Variants in GPR158 observed in about 807,000 individuals in gnomAD.
GPR158 encodes metabotropic glycine receptor.
Under a neutral mutation model 78.2 loss-of-function variants are expected in GPR158, and 30 were observed. That is an observed-to-expected ratio of 0.38 (90% confidence interval 0.29 to 0.52). GPR158 has a LOEUF of 0.52. Ranked by LOEUF, GPR158 falls within the 20% of genes least tolerant of loss-of-function variation. The pLI is 0.83. For synonymous variants in GPR158, 581 were observed against 591.1 expected (o/e 0.98, Z 0.25); for missense variants, 1,463 against 1,523.5 (o/e 0.96, Z 0.66).
intron 2 of GPR158, among the ~76,000 whole-genome samples, chr10:25,304,649 C>T (rs66651714): frequency 0.2 from 30,799 of 151,946 alleles, 5,268 homozygotes; most frequent in African/African-American, 0.47. Flanking sequence ...TTTCTACAAA[C>T]CTTCAGAACA....
At chr10:25,282,186 AGT>A (rs761087070) in intron 2 of GPR158, among the ~76,000 whole-genome samples, 1 of 151,704 alleles carries the variant, frequency 6.6e-6, no homozygotes, top group Non-Finnish European at 1.5e-5. Context: ...CCTCCCATAA[AGT>A]GTTGCATTTT....
intron 5 of GPR158, among the ~76,000 whole-genome samples, chr10:25,547,003 A>G (rs566556554): frequency 3.3e-4 from 50 of 152,222 alleles, no homozygotes; most frequent in Non-Finnish European, 1.0e-4. Context: ...AATAATTTTG[A>G]CTTTTTCCTA....
intron 2 of GPR158, among the ~76,000 whole-genome samples, chr10:25,251,086 T>C (rs1853790461): frequency 2.0e-5 from 3 of 152,180 alleles, no homozygotes; most frequent in Admixed American, 2.0e-4. Flanking sequence ...TTTGTCTCTT[T>C]TGATCTTTGT....
chr10:25,377,402 A>G (rs573063163), intron 2 of GPR158, among the ~76,000 whole-genome samples: 6 of 152,064 alleles, frequency 3.9e-5, no homozygotes, highest in African/African-American at 1.4e-4. Flanking sequence ...TTCACATACT[A>G]TAAAATTTAC....
At chr10:25,290,165 G>C (rs940742212) in intron 2 of GPR158, among the ~76,000 whole-genome samples, 4 of 152,146 alleles carry the variant, frequency 2.6e-5, no homozygotes, top group Non-Finnish European at 2.9e-5. Flanking sequence ...CAAGAGATAG[G>C]AAAACTTACT....
At chr10:25,586,073 C>T (rs565325657) in intron 7 of GPR158, among the ~76,000 whole-genome samples, 25 of 152,158 alleles carry the variant, frequency 1.6e-4, no homozygotes, top group East Asian at 5.8e-4. Context: ...AGTACTGAGA[C>T]GTCGTGTTAC....
At chr10:25,531,409 TAGG>T (rs2130693718) in intron 5 of GPR158, among the ~76,000 whole-genome samples, 1 of 152,290 alleles carries the variant, frequency 6.6e-6, no homozygotes, top group African/African-American at 2.4e-5. Context: ...GAAAAGTGAA[TAGG>T]AGGAAGACTA....
At chr10:25,226,608 CTG>C (rs1222808175) in intron 2 of GPR158, among the ~76,000 whole-genome samples, 3 of 152,170 alleles carry the variant, frequency 2.0e-5, no homozygotes, top group African/African-American at 4.8e-5. Flanking sequence ...CTGGTAATCA[CTG>C]TGGATATTTA....
intron 2 of GPR158, among the ~76,000 whole-genome samples, chr10:25,301,182 G>A (rs1854588757): frequency 1.3e-5 from 2 of 152,296 alleles, no homozygotes; most frequent in South Asian, 2.1e-4. Flanking sequence ...GGGAGAGTTG[G>A]CAAGGGGAAG....
At chr10:25,277,978 A>G (rs1218946867) in intron 2 of GPR158, among the ~76,000 whole-genome samples, 1 of 152,130 alleles carries the variant, frequency 6.6e-6, no homozygotes, top group East Asian at 1.9e-4. Flanking sequence ...AGACTTCCCT[A>G]TAGTGTCTAA....
At chr10:25,587,015 A>C (rs1837278874) in intron 7 of GPR158, among the ~76,000 whole-genome samples, 1 of 152,200 alleles carries the variant, frequency 6.6e-6, no homozygotes, top group Admixed American at 6.5e-5. Context: ...TTGCTGACCG[A>C]CTAAAATTAG....
At chr10:25,584,777 T>C (rs1837245562) in intron 7 of GPR158, among the ~76,000 whole-genome samples, 1 of 152,210 alleles carries the variant, frequency 6.6e-6, no homozygotes, top group South Asian at 2.1e-4. Context: ...TTTAGATCAC[T>C]TATAAGCCTG....
chr10:25,351,433 G>C (rs938317902), intron 2 of GPR158, among the ~76,000 whole-genome samples: 9 of 151,242 alleles, frequency 6.0e-5, no homozygotes, highest in Non-Finnish European at 8.8e-5. Flanking sequence ...GTTGGGGGTG[G>C]GGGGGTGCTG....
chr10:25,303,233 C>T (rs1471823307), intron 2 of GPR158, among the ~76,000 whole-genome samples: 2 of 152,150 alleles, frequency 1.3e-5, no homozygotes, highest in Admixed American at 6.5e-5. Flanking sequence ...ATTAAGTTTA[C>T]AATTCTGTTC....
intron 2 of GPR158, among the ~76,000 whole-genome samples, chr10:25,331,294 T>C (rs1855117444): frequency 6.6e-6 from 1 of 152,240 alleles, no homozygotes; most frequent in Non-Finnish European, 1.5e-5. Context: ...CTGAGTAGAA[T>C]ACTGCTTTCA....
chr10:25,446,820 C>T (rs1209175835), intron 4 of GPR158, among the ~76,000 whole-genome samples: 1 of 152,174 alleles, frequency 6.6e-6, no homozygotes, highest in East Asian at 1.9e-4. Flanking sequence ...AATGATACAA[C>T]AGTGTTTCTA....
intron 2 of GPR158, among the ~76,000 whole-genome samples, chr10:25,251,682 T>A (rs368484028): frequency 6.6e-6 from 1 of 151,814 alleles, no homozygotes; most frequent in Middle Eastern, 3.4e-3. Flanking sequence ...CCGAGAGATC[T>A]GCTGTTAGTC....
intron 2 of GPR158, among the ~76,000 whole-genome samples, chr10:25,258,570 C>T (rs1480517672): frequency 2.0e-5 from 3 of 151,998 alleles, no homozygotes; most frequent in Admixed American, 6.6e-5. Context: ...TTGGCTTTCA[C>T]ATTTAAATTA....
chr10:25,546,109 G>A (rs1836658784), intron 5 of GPR158, among the ~76,000 whole-genome samples: 1 of 152,158 alleles, frequency 6.6e-6, no homozygotes, highest in Non-Finnish European at 1.5e-5. Flanking sequence ...GGCAGGGAAT[G>A]ACCACTGTGT....
Sources: allele counts gnomAD v4.1 joint callset (sites outside exome capture counted in the v4.1 genomes callset), GRCh38; gene constraint gnomAD v4.1.1; transcripts MANE v1.5; gene names NCBI Gene and HGNC (gene_info 2026-07-23, HGNC 2026-07-21).